The following HNRNPA0 variants were observed in gnomAD, a reference collection of about 807,000 sequenced individuals.
HNRNPA0 encodes the protein heterogeneous nuclear ribonucleoprotein A0, also known as hnRNA binding protein.
For synonymous variants in HNRNPA0, 243 were observed against 195.5 expected (o/e 1.24, Z -2.03); for missense variants, 252 against 433.7 (o/e 0.58, Z 3.72).
chr5:137,751,825 A>T lies in HNRNPA0; in HGVS notation c.*1324T>A, dbSNP rs1405975963. On this transcript the variant is annotated 3_prime_UTR_variant, in exon 1 of 1. Transcript: ENST00000314940. ...TTAGTTGTCATAGCAATTTAGGGCT[A>T]TTGCCCAAGCTATGCATAGCAGTTT... is the stretch of plus-strand genomic sequence containing the variant. 1 of 152,672 alleles carries T rather than the reference A, an allele frequency of 6.5e-6. No homozygotes were observed. Among genetic ancestry groups the T allele is most frequent in the African/African-American group, 2.4e-5 (1 of 41,464 alleles). The allele number at this position is 152,672 out of a possible 1,614,324, so 9.5% of individuals were successfully genotyped here.
chr5:137,752,933 T>C lies in HNRNPA0; in HGVS notation c.*216A>G. The C allele has an allele frequency of 2.0e-6, 1 of 503,350 alleles. No individual in the cohort carries two copies. Among genetic ancestry groups the C allele is most frequent in the East Asian group, 3.0e-5 (1 of 33,636 alleles). 31.2% of individuals were successfully genotyped at this position (503,350 alleles called of 1,614,324 possible). ...TCAATGACTGTAACACAAAAATGTG[T>C]ATGTGGGGCCGAGTCCATCTTCAGA... On this transcript the variant is annotated 3_prime_UTR_variant, in exon 1 of 1. Coordinates refer to ENST00000314940, the MANE Select transcript of HNRNPA0 (RefSeq NM_006805.4).
rs1753500827 is a variant in HNRNPA0 at position 137,751,720 on chromosome 5, A to G, written c.*1429T>C. On this transcript the variant is annotated 3_prime_UTR_variant, in exon 1 of 1. Coordinates refer to ENST00000314940, the MANE Select transcript of HNRNPA0 (RefSeq NM_006805.4). ...TATTGCAGGAAAGGGCTACAAATATACATTTGTTAACCAAGCAGAATACAC... is the reference window on the plus strand; with the variant it reads ...TATTGCAGGAAAGGGCTACAAATATGCATTTGTTAACCAAGCAGAATACAC... The G allele has an allele frequency of 6.6e-6, 1 of 152,550 alleles. No homozygotes were observed. The allele number at this position is 152,550 out of a possible 1,614,324, so 9.4% of individuals were successfully genotyped here. A position where few individuals can be genotyped will look rare whatever the true frequency, so the allele number is the denominator to read the frequency against.
In HNRNPA0 at chr5:137,752,913, G is replaced by C; in HGVS notation, c.*236C>G. Reference sequence around the variant, plus strand: ...TAATAAAAAAATAGAGTCCATCAATGACTGTAACACAAAAATGTGTATGTG... The same window carrying C: ...TAATAAAAAAATAGAGTCCATCAATCACTGTAACACAAAAATGTGTATGTG... On this transcript the variant is annotated 3_prime_UTR_variant, in exon 1 of 1. Transcript: ENST00000314940. 1 of 460,330 alleles carries C rather than the reference G, an allele frequency of 2.2e-6. No homozygotes were observed. Among genetic ancestry groups the C allele is most frequent in the Non-Finnish European group, 3.8e-6 (1 of 261,324 alleles). The allele number at this position is 460,330 out of a possible 1,614,324, so 28.5% of individuals were successfully genotyped here.
Position 137,747,952 on chromosome 5 carries a change from T to C in HNRNPA0, c.*5197A>G, listed in dbSNP as rs1753436587. ...AGTAGAAGGAGCGAAACAACTAGAA[T>C]TGGTCAAACTTGGATTCAACTCTCA... On this transcript the variant is annotated 3_prime_UTR_variant, in exon 1 of 1. Transcript: ENST00000314940. The C allele has an allele frequency of 6.6e-6, 1 of 152,192 alleles. No individual in the cohort carries two copies. Among genetic ancestry groups the C allele is most frequent in the African/African-American group, 2.4e-5 (1 of 41,448 alleles). 9.4% of individuals were successfully genotyped at this position (152,192 alleles called of 1,614,324 possible). A position where few individuals can be genotyped will look rare whatever the true frequency, so the allele number is the denominator to read the frequency against.
Position 137,751,777 on chromosome 5 carries a change from T to C in HNRNPA0, c.*1372A>G, listed in dbSNP as rs1753501789. On this transcript the variant is annotated 3_prime_UTR_variant, in exon 1 of 1. Transcript: ENST00000314940. The stretch of plus-strand genomic sequence containing the variant: ...TTTGCTTTACAACTTGCACCTAAAA[T>C]ACCAGTATACGTAGCTGGTTCATTA... 6.6e-6 allele frequency: 1 copy of C among 152,654 alleles called. No individual in the cohort carries two copies. The allele number at this position is 152,654 out of a possible 1,614,324, so 9.5% of individuals were successfully genotyped here.
At position 137,753,403 on chromosome 5, in the gene HNRNPA0, C is replaced by T; in HGVS notation, c.664G>A (p.Gly222Ser). 1 of 1,548,322 alleles carries T rather than the reference C, an allele frequency of 6.5e-7. No homozygotes were observed. Among genetic ancestry groups the T allele is most frequent in the South Asian group, 1.2e-5 (1 of 84,560 alleles). The change falls in exon 1 of 1, where the codon GGT (glycine) becomes AGT (serine). Residue 222 changes from glycine to serine, a missense_variant. By Grantham distance (56) the Gly-to-Ser change is moderately conservative. Transcript: ENST00000314940. The surrounding 1 kb of genome is among the most constrained non-coding windows in gnomAD (Gnocchi z 6.1). ...CCGCCGCCTCCGCCGCCGCCGTAAC[C>T]ACCGTAGCTGTTGTAACCGCCGCCG... The part of the protein sequence containing the change: ...GGGGGYNSYG[G>S]YGGGGGGGYN...
Position 137,746,421 on chromosome 5 carries a change from C to G in HNRNPA0, c.*6728G>C, listed in dbSNP as rs1753409613. 6.6e-6 allele frequency: 1 copy of G among 152,180 alleles called. No homozygotes were observed. The highest frequency in any genetic ancestry group is 2.4e-5 in the African/African-American group (1 of 41,406). The allele number at this position is 152,180 out of a possible 1,614,324, so 9.4% of individuals were successfully genotyped here. ...CTCTGGCCTCATTATTCCTTTCCTC[C>G]TCTTCCTTCAGGTCCAACAACCCTG... On this transcript the variant is annotated 3_prime_UTR_variant, in exon 1 of 1. Transcript: ENST00000314940.
chr5:137,753,382 C>A lies in HNRNPA0; in HGVS notation c.685G>T (p.Gly229Cys). 1.3e-6 allele frequency: 2 copies of A among 1,546,962 alleles called. No individual in the cohort carries two copies. The highest frequency in any genetic ancestry group is 1.7e-6 in the Non-Finnish European group (2 of 1,145,934). ...CCGCCTCCGTAGGCATTGTAGCCGC[C>A]GCCTCCGCCGCCGCCGTAACCACCG... Reference protein sequence around the residue: ...SYGGYGGGGGGGYNAYGGGGG... With the variant: ...SYGGYGGGGGCGYNAYGGGGG... The change falls in exon 1 of 1, where the codon GGC (glycine) becomes TGC (cysteine). Residue 229 changes from glycine to cysteine, a missense_variant. Physicochemically the swap from Gly to Cys is radical, Grantham distance 159. Coordinates refer to ENST00000314940, the MANE Select transcript of HNRNPA0 (RefSeq NM_006805.4). The surrounding 1 kb of genome is among the most constrained non-coding windows in gnomAD (Gnocchi z 6.1).
At position 137,753,494 on chromosome 5, in the gene HNRNPA0, G is replaced by A; in HGVS notation, c.573C>T (p.Ser191=). ...SGGGGGGSRS[S]RGGRGGRGRG... is the part of the protein sequence containing the mutation. ...GCCCCCGGCCGCCTCGGCCGCCCCG[G>A]GAGGATCGGGAGCCGCCTCCACCCC... Residue 191 remains serine (S), a synonymous_variant, in exon 1 of 1, where the codon TCC becomes TCT. Transcript: ENST00000314940. This position sits in a 1 kb window ranked among gnomAD's most constrained non-coding sequence, Gnocchi z 6.1. 3.8e-6 allele frequency: 6 copies of A among 1,591,574 alleles called. No individual in the cohort carries two copies. Among genetic ancestry groups the A allele is most frequent in the Non-Finnish European group, 5.1e-6 (6 of 1,168,730 alleles).
At position 137,751,791 on chromosome 5, in the gene HNRNPA0, G is replaced by A. The variant is rs902326839; in HGVS notation, c.*1358C>T. On this transcript the variant is annotated 3_prime_UTR_variant, in exon 1 of 1. Coordinates refer to ENST00000314940, the MANE Select transcript of HNRNPA0 (RefSeq NM_006805.4). ...TGCACCTAAAATACCAGTATACGTA[G>A]CTGGTTCATTAGTTGTCATAGCAAT... 6.6e-6 allele frequency: 1 copy of A among 152,598 alleles called. No individual in the cohort carries two copies. The highest frequency in any genetic ancestry group is 1.5e-5 in the Non-Finnish European group (1 of 68,028). 9.5% of individuals were successfully genotyped at this position (152,598 alleles called of 1,614,324 possible). A position where few individuals can be genotyped will look rare whatever the true frequency, so the allele number is the denominator to read the frequency against.
Position 137,753,158 on chromosome 5 carries a change from G to C in HNRNPA0, c.909C>G (p.Ser303Arg). Residue 303 changes from serine (S) to arginine (R), a missense_variant, in exon 1 of 1, where the codon AGC becomes AGG. Transcript: ENST00000314940. This position sits in a 1 kb window ranked among gnomAD's most constrained non-coding sequence, Gnocchi z 6.1. Reference sequence around the variant, plus strand: ...CATTTTAAATTTTCTTTTAGAAGGAGCTGCCTCCATAGCCACCCCCACCGC... The same window carrying C: ...CATTTTAAATTTTCTTTTAGAAGGACCTGCCTCCATAGCCACCCCCACCGC... ...GYGGGGGYGG[S>R]SF is the part of the protein sequence containing the mutation. 6.2e-7 allele frequency: 1 copy of C among 1,612,536 alleles called. No homozygotes were observed.
In HNRNPA0 at chr5:137,748,341, G is replaced by C. The variant is rs2149946516; in HGVS notation, c.*4808C>G. On this transcript the variant is annotated 3_prime_UTR_variant, in exon 1 of 1. Coordinates refer to ENST00000314940, the MANE Select transcript of HNRNPA0 (RefSeq NM_006805.4). ...ATACTTAAAACATTACAGATGGCTAGCAGAATTCATCTCTCTCCTACTAGA... is the reference window on the plus strand; with the variant it reads ...ATACTTAAAACATTACAGATGGCTACCAGAATTCATCTCTCTCCTACTAGA... The C allele has an allele frequency of 6.6e-6, 1 of 152,238 alleles. No homozygotes were observed. Among genetic ancestry groups the C allele is most frequent in the Admixed American group, 6.5e-5 (1 of 15,292 alleles). The allele number at this position is 152,238 out of a possible 1,614,324, so 9.4% of individuals were successfully genotyped here.
chr5:137,754,126 T>C lies in HNRNPA0; in HGVS notation c.-60A>G. On this transcript the variant is annotated 5_prime_UTR_variant, in exon 1 of 1. Transcript: ENST00000314940. ...CTCCGAGGTTTCGCCGTCGCCGCCGTTATCGTTGGTTAAGGCCTCTACACA... is the reference window on the plus strand; with the variant it reads ...CTCCGAGGTTTCGCCGTCGCCGCCGCTATCGTTGGTTAAGGCCTCTACACA... 1 of 1,533,204 alleles carries C rather than the reference T, an allele frequency of 6.5e-7. No individual in the cohort carries two copies. Among genetic ancestry groups the C allele is most frequent in the Non-Finnish European group, 8.8e-7 (1 of 1,140,778 alleles). 95.0% of individuals were successfully genotyped at this position (1,533,204 alleles called of 1,614,324 possible). A position where few individuals can be genotyped will look rare whatever the true frequency, so the allele number is the denominator to read the frequency against.
chr5:137,754,328 C>CACCTCCGCT lies in HNRNPA0; in HGVS notation c.-271_-263dup, dbSNP rs1422873321. 1 of 506,592 alleles carries CACCTCCGCT rather than the reference C, an allele frequency of 2.0e-6. No individual in the cohort carries two copies. Among genetic ancestry groups the CACCTCCGCT allele is most frequent in the East Asian group, 3.4e-5 (1 of 29,760 alleles). 31.4% of individuals were successfully genotyped at this position (506,592 alleles called of 1,614,324 possible). A position where few individuals can be genotyped will look rare whatever the true frequency, so the allele number is the denominator to read the frequency against. On this transcript the variant is annotated 5_prime_UTR_variant, in exon 1 of 1. Transcript: ENST00000314940. ...AGGCCACCGCTACCGCCGCCGCCGC[C>CACCTCCGCT]ACCTCCGCTCCCCTATCTGGGCACC...
chr5:137,753,173 A>G lies in HNRNPA0; in HGVS notation c.894T>C (p.Gly298=). 6.2e-7 allele frequency: 1 copy of G among 1,609,724 alleles called. No homozygotes were observed. The highest frequency in any genetic ancestry group is 8.5e-7 in the Non-Finnish European group (1 of 1,177,438). Residue 298 remains glycine, a synonymous_variant, in exon 1 of 1, where the codon GGT becomes GGC. Coordinates refer to ENST00000314940, the MANE Select transcript of HNRNPA0 (RefSeq NM_006805.4). This position sits in a 1 kb window ranked among gnomAD's most constrained non-coding sequence, Gnocchi z 6.1. ...GPYRGGYGGG[G]GYGGSSF Reference sequence around the variant, plus strand: ...TTTAGAAGGAGCTGCCTCCATAGCCACCCCCACCGCCATAGCCGCCTCTGT... The same window carrying G: ...TTTAGAAGGAGCTGCCTCCATAGCCGCCCCCACCGCCATAGCCGCCTCTGT...
Position 137,754,171 on chromosome 5 carries a change from T to C in HNRNPA0, c.-105A>G. The C allele has an allele frequency of 1.4e-6, 2 of 1,381,202 alleles. No individual in the cohort carries two copies. Among genetic ancestry groups the C allele is most frequent in the African/African-American group, 2.9e-5 (2 of 68,092 alleles). 85.6% of individuals were successfully genotyped at this position (1,381,202 alleles called of 1,614,324 possible). A position where few individuals can be genotyped will look rare whatever the true frequency, so the allele number is the denominator to read the frequency against. On this transcript the variant is annotated 5_prime_UTR_variant, in exon 1 of 1. Transcript: ENST00000314940. Reference sequence around the variant, plus strand: ...TACACAGCTTGGGCCCAGCCGTTGCTGGAGCCACCCCCGCCGCTCACCGAC... The same window carrying C: ...TACACAGCTTGGGCCCAGCCGTTGCCGGAGCCACCCCCGCCGCTCACCGAC...
Position 137,753,554 on chromosome 5 carries a change from C to G in HNRNPA0, c.513G>C (p.Lys171Asn). 6.2e-7 allele frequency: 1 copy of G among 1,613,202 alleles called. No individual in the cohort carries two copies. The highest frequency in any genetic ancestry group is 8.5e-7 in the Non-Finnish European group (1 of 1,179,332). ...HPIQGHRVEV[K>N]KAVPKEDIYS... ...AGATATCCTCCTTGGGGACTGCTTT[C>G]TTCACCTCCACGCGATGGCCCTGAA... The change falls in exon 1 of 1, where the codon AAG becomes AAC. Residue 171 changes from lysine (K) to asparagine (N), a missense_variant. Coordinates refer to ENST00000314940, the MANE Select transcript of HNRNPA0 (RefSeq NM_006805.4). This position sits in a 1 kb window ranked among gnomAD's most constrained non-coding sequence, Gnocchi z 6.1.
chr5:137,750,932 C>T lies in HNRNPA0; in HGVS notation c.*2217G>A, dbSNP rs1394592834. 2 of 152,052 alleles carry T rather than the reference C, an allele frequency of 1.3e-5. No individual in the cohort carries two copies. Among genetic ancestry groups the T allele is most frequent in the African/African-American group, 4.8e-5 (2 of 41,388 alleles). 9.4% of individuals were successfully genotyped at this position (152,052 alleles called of 1,614,324 possible). A position where few individuals can be genotyped will look rare whatever the true frequency, so the allele number is the denominator to read the frequency against. ...ATTGACCCAGATCTTCCCACCAAAA[C>T]TGAGTAAGTCAAGCAGAGTAGTATT... On this transcript the variant is annotated 3_prime_UTR_variant, in exon 1 of 1. Transcript: ENST00000314940.
chr5:137,752,975 G>T lies in HNRNPA0; in HGVS notation c.*174C>A. ...ATCTTCAGAGGGAGAGACAAGAGAGGTGGCAGGCAAATAGAGGAACACCCC... is the reference window on the plus strand; with the variant it reads ...ATCTTCAGAGGGAGAGACAAGAGAGTTGGCAGGCAAATAGAGGAACACCCC... On this transcript the variant is annotated 3_prime_UTR_variant, in exon 1 of 1. Transcript: ENST00000314940. The T allele has an allele frequency of 1.7e-6, 1 of 598,728 alleles. No homozygotes were observed. Among genetic ancestry groups the T allele is most frequent in the Non-Finnish European group, 2.8e-6 (1 of 350,892 alleles). The allele number at this position is 598,728 out of a possible 1,614,324, so 37.1% of individuals were successfully genotyped here.
Sources: gnomAD v4.1 joint callset for allele counts on GRCh38, gnomAD v4.1.1 for gene constraint, Gnocchi (gnomAD v3.1) non-coding constraint, MANE v1.5 for transcripts, NCBI Gene and HGNC (gene_info 2026-07-23, HGNC 2026-07-21) for gene names.